NAA35: variants seen among roughly 807,000 people sequenced by gnomAD.
NAA35 encodes the protein MAK10 homolog, amino-acid N-acetyltransferase subunit.
A neutral mutation model predicts 101.7 loss-of-function variants in NAA35; 18 were observed. The observed-to-expected ratio is 0.18, with a 90% confidence interval of 0.12 to 0.26. The LOEUF (loss-of-function observed/expected upper bound fraction) is 0.26, where lower values mean the gene tolerates loss of function less well. NAA35 is among the 10% of genes least tolerant of loss of function. The pLI, the probability that NAA35 is intolerant of heterozygous loss-of-function variation, is 1.00. For missense variants in NAA35, 601 were observed against 886.8 expected (o/e 0.68, Z 4.09); for synonymous variants, 267 against 273.1 (o/e 0.98, Z 0.22).
chr9:85,968,004 C>T (rs1041273649), intron 6 of NAA35, among the ~76,000 whole-genome samples: 53 of 152,066 alleles, frequency 3.5e-4, no homozygotes, highest in African/African-American at 1.3e-3. Context: ...CTTGCAATAT[C>T]ATACTGCCAG....
intron 11 of NAA35, 135 bp from the exon 12 acceptor site, chr9:85,996,264 A>G (rs1831152413): frequency 1.7e-6 from 1 of 573,412 alleles, no homozygotes. Flanking sequence ...AAATTATAAA[A>G]TCTATTTAGA....
At chr9:85,947,417 A>C (rs1457863811) in intron 2 of NAA35, among the ~76,000 whole-genome samples, 1 of 152,198 alleles carries the variant, frequency 6.6e-6, no homozygotes, top group African/African-American at 2.4e-5. Context: ...TAAGAGGAAA[A>C]GGATGAATGG....
chr9:85,966,419 C>A (rs1237185686), intron 6 of NAA35, among the ~76,000 whole-genome samples: 2 of 152,024 alleles, frequency 1.3e-5, no homozygotes, highest in Non-Finnish European at 2.9e-5. Flanking sequence ...AACACTCAGG[C>A]CCAAATGAAT....
chr9:85,987,867 A>G (rs978653846), intron 11 of NAA35, among the ~76,000 whole-genome samples: 1 of 152,258 alleles, frequency 6.6e-6, no homozygotes, highest in African/African-American at 2.4e-5. Flanking sequence ...ACAAAACTTG[A>G]AGGGAAAAAA....
At chr9:85,963,153 A>C (rs1008568413) in intron 6 of NAA35, among the ~76,000 whole-genome samples, 1 of 151,980 alleles carries the variant, frequency 6.6e-6, no homozygotes, top group Admixed American at 6.6e-5. Flanking sequence ...ATTTCCTAGG[A>C]TCCAACAGTG....
intron 15 of NAA35, among the ~76,000 whole-genome samples, chr9:86,010,676 G>A (rs952553294): frequency 2.0e-5 from 3 of 146,586 alleles, no homozygotes; most frequent in African/African-American, 7.6e-5. Flanking sequence ...CCGGGTTCAC[G>A]CCATTCTCCT....
At chr9:85,989,911 A>C (rs1830829524) in intron 11 of NAA35, among the ~76,000 whole-genome samples, 1 of 152,242 alleles carries the variant, frequency 6.6e-6, no homozygotes, top group African/African-American at 2.4e-5. Flanking sequence ...CTGTAATATA[A>C]AGATAGGTAT....
intron 8 of NAA35, 67 bp downstream of exon 8, chr9:85,975,224 A>C: frequency 6.6e-7 from 1 of 1,504,484 alleles, no homozygotes; most frequent in Non-Finnish European, 9.1e-7. Flanking sequence ...ACTTTACCTA[A>C]TTAAAAATGT....
intron 11 of NAA35, among the ~76,000 whole-genome samples, chr9:85,979,232 C>T (rs542703217): frequency 3.9e-5 from 6 of 152,304 alleles, no homozygotes; most frequent in East Asian, 1.9e-4. Context: ...TAACCTGACA[C>T]GTCCACCCTA....
intron 18 of NAA35, among the ~76,000 whole-genome samples, chr9:86,016,973 G>A (rs1351301132): frequency 6.6e-6 from 1 of 152,218 alleles, no homozygotes; most frequent in African/African-American, 2.4e-5. Flanking sequence ...GTGACCTATT[G>A]ACAGAGCCAG....
chr9:85,960,890 G>C (rs1829485100), intron 5 of NAA35, among the ~76,000 whole-genome samples: 1 of 152,178 alleles, frequency 6.6e-6, no homozygotes, highest in South Asian at 2.1e-4. Flanking sequence ...ATGACAGGAA[G>C]ATTCATGGTT....
At chr9:85,995,645 T>G (rs1031684544) in intron 11 of NAA35, among the ~76,000 whole-genome samples, 1 of 152,206 alleles carries the variant, frequency 6.6e-6, no homozygotes, top group Non-Finnish European at 1.5e-5. Context: ...ACCATATTTT[T>G]TCTTAGGTTG....
At chr9:85,948,751 C>CTTTAT (rs1213855770) in intron 2 of NAA35, among the ~76,000 whole-genome samples, 14 of 151,980 alleles carry the variant, frequency 9.2e-5, no homozygotes, top group African/African-American at 3.4e-4. Flanking sequence ...ATGTCGATAC[C>CTTTAT]TTTATTTTAT....
chr9:85,949,228 T>G (rs1828899045), intron 2 of NAA35, among the ~76,000 whole-genome samples: 1 of 152,150 alleles, frequency 6.6e-6, no homozygotes, highest in South Asian at 2.1e-4. Context: ...ATTTGGATAT[T>G]GAATCTCCCT....
intron 3 of NAA35, among the ~76,000 whole-genome samples, chr9:85,957,842 C>T (rs1483418347): frequency 5.3e-5 from 8 of 152,066 alleles, no homozygotes; most frequent in Non-Finnish European, 8.8e-5. Flanking sequence ...TGAGCGTGTG[C>T]CAGAATTGTC....
rs568261986 is a variant in NAA35, at chr9:86,017,941, A to G, written c.1774-314A>G. 2.0e-5 allele frequency among the ~76,000 whole-genome samples: 3 copies of G among 152,292 alleles called. No homozygotes were observed. In the East Asian group the frequency reaches 5.8e-4, roughly 29 times the overall value. On this transcript the variant is annotated intron_variant, in intron 19 of 22. Transcript: ENST00000361671. ...TTAGGTTTTTTAGGAGTGTATTAGG[A>G]AGAGGGTGAGCTCCACAACGAATGG...
intron 12 of NAA35, among the ~76,000 whole-genome samples, chr9:85,997,581 G>A (rs1487693278): frequency 1.3e-5 from 2 of 151,892 alleles, no homozygotes; most frequent in Admixed American, 6.6e-5. Context: ...GAACTCAAGC[G>A]ATCCACCTGC....
chr9:85,999,573 A>G (rs1831328370), intron 12 of NAA35, among the ~76,000 whole-genome samples: 1 of 152,186 alleles, frequency 6.6e-6, no homozygotes, highest in African/African-American at 2.4e-5. Context: ...GAACCCTCTG[A>G]GGAAACCATG....
chr9:86,007,304 C>G, intron 13 of NAA35, 54 bp from the exon 14 acceptor site: 1 of 1,282,714 alleles, frequency 7.8e-7, no homozygotes, highest in South Asian at 1.2e-5. Flanking sequence ...TGATTTTACA[C>G]TAATGACAAT....
Sources: gnomAD v4.1 joint callset for allele counts (sites outside exome capture counted in the v4.1 genomes callset) on GRCh38, gnomAD v4.1.1 for gene constraint, MANE v1.5 for transcripts, NCBI Gene and HGNC (gene_info 2026-07-23, HGNC 2026-07-21) for gene names.